The following ZGRF1 variants were observed in gnomAD, a reference collection of about 807,000 sequenced individuals.
ZGRF1 encodes zinc finger GRF-type containing 1, also known as 5'-3' DNA helicase ZGRF1.
ZGRF1 carries 196 observed loss-of-function variants against 203.5 expected under a neutral mutation model. The observed-to-expected ratio is 0.96, with a 90% CI of 0.86 to 1.08. ZGRF1 has a LOEUF of 1.08. Ranked by LOEUF, ZGRF1 falls within the 50% of genes least tolerant of loss-of-function variation. ZGRF1 has a pLI of 0.00. For synonymous variants in ZGRF1, 809 were observed against 841.3 expected, an observed-to-expected ratio of 0.96 and a Z score of 0.66; for missense variants, 2,326 against 2,416.3, an observed-to-expected ratio of 0.96 and a Z score of 0.78.
At chr4:112,626,843 T>C (rs1330880897) in intron 3 of ZGRF1, among the ~76,000 whole-genome samples, 4 of 152,192 alleles carry the variant, frequency 2.6e-5, no homozygotes, top group Non-Finnish European at 5.9e-5. Flanking sequence ...TCTTGCTCTA[T>C]TGCTCAAGCT....
At chr4:112,544,634 G>A (rs1738387751) in intron 24 of ZGRF1, among the ~76,000 whole-genome samples, 1 of 152,270 alleles carries the variant, frequency 6.6e-6, no homozygotes, top group Middle Eastern at 3.4e-3. Context: ...ATACAGATCT[G>A]AGAGAGTATC....
At chr4:112,622,433 T>C (rs2149175903) in intron 4 of ZGRF1, among the ~76,000 whole-genome samples, 1 of 150,790 alleles carries the variant, frequency 6.6e-6, no homozygotes, top group Admixed American at 6.7e-5. Flanking sequence ...GGAAGGAGAA[T>C]TGCTTGAACC....
At chr4:112,634,754 G>A (rs2149223756) in intron 1 of ZGRF1, among the ~76,000 whole-genome samples, 1 of 152,158 alleles carries the variant, frequency 6.6e-6, no homozygotes, top group African/African-American at 2.4e-5. Context: ...ATAGGTAAGG[G>A]GTATGCAAAT....
intron 16 of ZGRF1, among the ~76,000 whole-genome samples, chr4:112,568,711 CAAAAAAAAAAAA>C (rs76531414): frequency 4.7e-5 from 2 of 42,848 alleles, no homozygotes; most frequent in Non-Finnish European, 8.4e-5. Flanking sequence ...AACTCTGTCT[CAAAAAAAAAAAA>C]AAAAAAAAAA....
chr4:112,554,033 A>G (rs1740473398), intron 21 of ZGRF1, 51 bp from the exon 22 acceptor site: 3 of 1,473,460 alleles, frequency 2.0e-6, no homozygotes, highest in African/African-American at 1.4e-5. Flanking sequence ...TCATAACATC[A>G]CAGTAAAGCA....
At chr4:112,617,034 G>A (rs970422011) in intron 6 of ZGRF1, among the ~76,000 whole-genome samples, 2 of 152,010 alleles carry the variant, frequency 1.3e-5, no homozygotes, top group African/African-American at 2.4e-5. Flanking sequence ...CTACTTGGGA[G>A]GCAGAGGTTG....
intron 16 of ZGRF1, among the ~76,000 whole-genome samples, chr4:112,578,768 G>A (rs1578341023): frequency 8.1e-6 from 1 of 122,988 alleles, no homozygotes; most frequent in African/African-American, 2.8e-5. Flanking sequence ...CTGAAATTGA[G>A]GCAATCATTA....
chr4:112,544,739 TTCTC>T (rs1738413097), intron 24 of ZGRF1, among the ~76,000 whole-genome samples: 2 of 152,210 alleles, frequency 1.3e-5, no homozygotes, highest in African/African-American at 4.8e-5. Flanking sequence ...AGAAACAGTG[TTCTC>T]TCTTTCTCTG....
At chr4:112,556,298 T>C (rs1740932440) in intron 20 of ZGRF1, among the ~76,000 whole-genome samples, 1 of 152,224 alleles carries the variant, frequency 6.6e-6, no homozygotes, top group Non-Finnish European at 1.5e-5. Context: ...TAATTCATAC[T>C]GGCAAGAATT....
intron 11 of ZGRF1, 117 bp from the exon 12 acceptor site, chr4:112,588,046 C>T (rs1747527412): frequency 5.6e-6 from 3 of 539,662 alleles, no homozygotes; most frequent in East Asian, 6.7e-5. Context: ...AAAAAAAAAT[C>T]ACATTATTTT....
At chr4:112,594,383 CTT>C (rs994429304) in intron 10 of ZGRF1, among the ~76,000 whole-genome samples, 1 of 150,918 alleles carries the variant, frequency 6.6e-6, no homozygotes, top group Non-Finnish European at 1.5e-5. Flanking sequence ...TGTTGGGACT[CTT>C]TTTCTACTAT....
In ZGRF1 at chr4:112,587,379, T is replaced by C. The variant is rs745616672; in HGVS notation, c.3678A>G (p.Lys1226=). 15 of 1,613,758 alleles carry C rather than the reference T, an allele frequency of 9.3e-6. No individual in the cohort carries two copies. Among genetic ancestry groups the C allele is most frequent in the Non-Finnish European group, 1.3e-5 (15 of 1,179,812 alleles). Residue 1226 remains lysine, a synonymous_variant, in exon 12 of 28, where the codon AAA becomes AAG. Transcript: ENST00000505019. The part of the protein sequence containing the change: ...FSSQDSVSRK[K]VLSLNLKQTS... ...TCTGCTTTAAATTCAGAGAAAGTAC[T>C]TTCTTTCTGGAAACCGAATCTTGAC...
intron 16 of ZGRF1, among the ~76,000 whole-genome samples, chr4:112,566,618 G>T (rs1743141906): frequency 6.6e-6 from 1 of 152,002 alleles, no homozygotes; most frequent in African/African-American, 2.4e-5. Context: ...AGATATAGGG[G>T]ATTCCTGATT....
intron 16 of ZGRF1, among the ~76,000 whole-genome samples, chr4:112,566,523 A>C (rs1743123377): frequency 6.7e-6 from 1 of 150,082 alleles, no homozygotes; most frequent in African/African-American, 2.5e-5. Flanking sequence ...ATAAATAAAA[A>C]ATAAATTTTT....
intron 6 of ZGRF1, among the ~76,000 whole-genome samples, chr4:112,616,876 G>A (rs1038524199): frequency 2.0e-5 from 3 of 151,556 alleles, no homozygotes; most frequent in Non-Finnish European, 4.4e-5. Flanking sequence ...GGAGGAAAGA[G>A]GAAAAGAACT....
In ZGRF1 at chr4:112,617,356, G is replaced by T. The variant is rs552412636; in HGVS notation, c.2602+84C>A. ...TTTAAACACTATGTAATTCTTTAAT[G>T]TATCACCCAGAGCTAATATCTTCTT... On this transcript the variant is annotated intron_variant, in intron 6 of 27. Transcript: ENST00000505019. 4.9e-5 allele frequency: 48 copies of T among 978,048 alleles called. 1 individual carries two copies. The highest frequency in any genetic ancestry group is 6.9e-5 in the Non-Finnish European group (46 of 665,286). 60.6% of individuals were successfully genotyped at this position (978,048 alleles called of 1,614,324 possible).
intron 10 of ZGRF1, 66 bp downstream of exon 10, chr4:112,603,458 T>C (rs761271832): frequency 5.0e-5 from 58 of 1,150,470 alleles, no homozygotes; most frequent in Non-Finnish European, 7.3e-5. Flanking sequence ...TATACTATTT[T>C]CACAAAATGT....
In ZGRF1 at chr4:112,618,346, T is replaced by TA. The variant is rs751389655; in HGVS notation, c.1695dup (p.Asn566Ter). 4.3e-6 allele frequency: 7 copies of TA among 1,613,912 alleles called. No individual in the cohort carries two copies. The South Asian group carries it at 6.6e-5, about 15-fold the overall frequency. On this transcript the variant is annotated frameshift_variant, in exon 6 of 28. Transcript: ENST00000505019. LOFTEE classifies it high-confidence loss of function. ...TTTTGAAAACATGAATTGCCATCAT[T>TA]AACCAAAATGTCCTTTACCCAACTC...
chr4:112,596,469 T>G (rs557039073), intron 10 of ZGRF1, among the ~76,000 whole-genome samples: 1 of 152,182 alleles, frequency 6.6e-6, no homozygotes, highest in East Asian at 1.9e-4. Flanking sequence ...CAAAGAAATA[T>G]ATTTTTTAAA....
Sources: allele counts gnomAD v4.1 joint callset (sites outside exome capture counted in the v4.1 genomes callset), GRCh38; gene constraint gnomAD v4.1.1; transcripts MANE v1.5; gene names NCBI Gene and HGNC (gene_info 2026-07-23, HGNC 2026-07-21).